Variants in CYFIP1 observed in about 807,000 individuals in gnomAD.
The protein encoded by CYFIP1 is cytoplasmic FMR1-interacting protein 1.
CYFIP1 carries 58 observed loss-of-function variants against 163.5 expected under a neutral mutation model. That is an observed-to-expected ratio of 0.35 (90% CI 0.29 to 0.44). CYFIP1 has a LOEUF of 0.44. CYFIP1 is among the 20% of genes least tolerant of loss of function. CYFIP1 has a pLI of 1.00. For missense variants in CYFIP1, 1,338 were observed against 1,653.8 expected (o/e 0.81, Z 3.31); for synonymous variants, 663 against 660.7 (o/e 1.00, Z -0.05).
intron 13 of CYFIP1, among the ~76,000 whole-genome samples, chr15:22,925,093 G>A (rs924020662): frequency 6.6e-6 from 1 of 152,098 alleles, no homozygotes; most frequent in African/African-American, 2.4e-5. Flanking sequence ...ACCCAAGGTT[G>A]GTTCATGGAG....
chr15:22,891,611 C>A (rs1018484036), intron 23 of CYFIP1, among the ~76,000 whole-genome samples: 1 of 152,230 alleles, frequency 6.6e-6, no homozygotes, highest in Non-Finnish European at 1.5e-5. Flanking sequence ...GCCCCCGGCC[C>A]ACACTCGCTC....
At chr15:22,943,791 A>C (rs1379676885) in intron 5 of CYFIP1, among the ~76,000 whole-genome samples, 1 of 152,194 alleles carries the variant, frequency 6.6e-6, no homozygotes, top group East Asian at 1.9e-4. Flanking sequence ...ATCATAAAAA[A>C]TCTGGATGTT....
rs778995928 is a variant in CYFIP1, at chr15:22,867,313, G to C, written c.*2715C>G. 2.5e-6 allele frequency: 1 copy of C among 397,938 alleles called. No homozygotes were observed. The highest frequency in any genetic ancestry group is 4.4e-6 in the Non-Finnish European group (1 of 225,810). The allele number at this position is 397,938 out of a possible 1,614,324, so 24.7% of individuals were successfully genotyped here. ...CAAAAGTGGCTCCTGTTTGTTTGATGATGATTGGTTTTATTTTTGAAATAT... is the reference window on the plus strand; with the variant it reads ...CAAAAGTGGCTCCTGTTTGTTTGATCATGATTGGTTTTATTTTTGAAATAT... On this transcript the variant is annotated 3_prime_UTR_variant, in exon 31 of 31. Coordinates refer to ENST00000617928, the MANE Select transcript of CYFIP1 (RefSeq NM_014608.6).
intron 22 of CYFIP1, among the ~76,000 whole-genome samples, chr15:22,893,206 T>C (rs6606814): frequency 0.82 from 124,027 of 152,140 alleles, 50,683 homozygotes; most frequent in East Asian, 0.91. Context: ...ACACCCGGGG[T>C]CTGGTCTGCT....
chr15:22,916,978 T>G, intron 15 of CYFIP1: 1 of 1,551,604 alleles, frequency 6.4e-7, no homozygotes, highest in Non-Finnish European at 8.7e-7. Context: ...TTGAGCTGCC[T>G]GAGCAGCTCG....
chr15:22,915,414 CTG>C lies in CYFIP1; in HGVS notation c.1829-534_1829-533del, dbSNP rs1295832477. ...TGTTAGGATTAACAGGTATGAGCCA[CTG>C]TGTCTTACCTAAAAATGTTCTTCTC... On this transcript the variant is annotated intron_variant, in intron 16 of 30. Coordinates refer to ENST00000617928, the MANE Select transcript of CYFIP1 (RefSeq NM_014608.6). 2.0e-5 allele frequency among the ~76,000 whole-genome samples: 3 copies of C among 152,192 alleles called. No individual in the cohort carries two copies. In the East Asian group the frequency reaches 5.8e-4, roughly 29 times the overall value.
intron 22 of CYFIP1, among the ~76,000 whole-genome samples, chr15:22,899,327 T>C (rs952526707): frequency 6.6e-6 from 1 of 152,186 alleles, no homozygotes; most frequent in Non-Finnish European, 1.5e-5. Flanking sequence ...ATAGTTTTAA[T>C]ACGTAGGTAA....
chr15:22,903,508 T>C (rs143997262), intron 22 of CYFIP1, among the ~76,000 whole-genome samples, 198 bp downstream of exon 22: 1 of 152,268 alleles, frequency 6.6e-6, no homozygotes, highest in Non-Finnish European at 1.5e-5. Context: ...TGCAAAGCCA[T>C]GACCATCCAC....
In CYFIP1 at chr15:22,869,630, A is replaced by G. The variant is rs2059364184; in HGVS notation, c.*398T>C. On this transcript the variant is annotated 3_prime_UTR_variant, in exon 31 of 31. Coordinates refer to ENST00000617928, the MANE Select transcript of CYFIP1 (RefSeq NM_014608.6). Reference sequence around the variant, plus strand: ...GAACTAAGATTGCTCATAAAAGACCATCAGAAAGATCCCTAAACAAAAGCT... The same window carrying G: ...GAACTAAGATTGCTCATAAAAGACCGTCAGAAAGATCCCTAAACAAAAGCT... The G allele has an allele frequency of 6.4e-6, 1 of 155,792 alleles. No individual in the cohort carries two copies. The highest frequency in any genetic ancestry group is 2.4e-5 in the African/African-American group (1 of 41,578). The allele number at this position is 155,792 out of a possible 1,614,324, so 9.7% of individuals were successfully genotyped here. A position where few individuals can be genotyped will look rare whatever the true frequency, so the allele number is the denominator to read the frequency against.
intron 6 of CYFIP1, among the ~76,000 whole-genome samples, chr15:22,942,466 T>C (rs79600363): frequency 0.48 from 72,584 of 151,642 alleles, 17,596 homozygotes; most frequent in Middle Eastern, 0.58. Context: ...GTCGGCAGCG[T>C]GCCAAGTGTC....
intron 22 of CYFIP1, among the ~76,000 whole-genome samples, chr15:22,894,304 T>C (rs1027590715): frequency 6.0e-4 from 67 of 111,206 alleles, no homozygotes; most frequent in African/African-American, 1.5e-3. Flanking sequence ...TTTTTTTTTT[T>C]CTGAGATGGA....
intron 1 of CYFIP1, among the ~76,000 whole-genome samples, chr15:22,958,890 A>G (rs1335867556): frequency 6.6e-6 from 1 of 152,230 alleles, no homozygotes; most frequent in East Asian, 1.9e-4. Flanking sequence ...GGATGCTAAA[A>G]TAATTAATAA....
intron 21 of CYFIP1, chr15:22,904,377 G>A: frequency 4.3e-6 from 1 of 230,130 alleles, no homozygotes; most frequent in Non-Finnish European, 8.7e-6. Flanking sequence ...GCCCTCACGT[G>A]CGCTGCTCTG....
intron 14 of CYFIP1, 80 bp from the exon 15 acceptor site, chr15:22,918,015 C>A: frequency 6.7e-7 from 1 of 1,494,786 alleles, no homozygotes; most frequent in East Asian, 2.3e-5. Context: ...CCTCACCCAA[C>A]TACAAGGCTC....
rs1468767544 is a variant in CYFIP1 at position 22,910,759 on chromosome 15, AGG to A, written c.2135_2136del (p.Ala712ValfsTer3). ...FVYKLADQIF[A>X]YYKVMAGSLL... ...CACCTTCCTGCCATAACCTTATAAT[AGG>A]CAAATATCTGGTCTGCTAGCTTGTA... is the stretch of plus-strand genomic sequence containing the variant. On this transcript the variant is annotated frameshift_variant, in exon 19 of 31. Coordinates refer to ENST00000617928, the MANE Select transcript of CYFIP1 (RefSeq NM_014608.6). LOFTEE classifies it high-confidence loss of function. 6.2e-7 allele frequency: 1 copy of A among 1,613,932 alleles called. No individual in the cohort carries two copies. Among genetic ancestry groups the A allele is most frequent in the Non-Finnish European group, 8.5e-7 (1 of 1,179,772 alleles).
chr15:22,944,413 G>A, intron 5 of CYFIP1, 145 bp downstream of exon 5: 1 of 622,604 alleles, frequency 1.6e-6, no homozygotes, highest in Non-Finnish European at 2.8e-6. Context: ...GACTGTCAAA[G>A]GCTTGGTCCC....
chr15:22,902,325 G>A (rs1295508272), intron 22 of CYFIP1, among the ~76,000 whole-genome samples: 8 of 152,202 alleles, frequency 5.3e-5, no homozygotes, highest in Non-Finnish European at 8.8e-5. Flanking sequence ...GGGGTGTGGG[G>A]AAGGAGGCGC....
chr15:22,923,942 C>CAAAAAAAAA (rs916058496), intron 13 of CYFIP1, among the ~76,000 whole-genome samples: 9 of 61,796 alleles, frequency 1.5e-4, no homozygotes, highest in Admixed American at 2.5e-4. Context: ...ACCTTGTCTC[C>CAAAAAAAAA]AAAAAAAAAA....
chr15:22,919,486 C>A (rs573894305), intron 13 of CYFIP1, among the ~76,000 whole-genome samples: 1 of 152,222 alleles, frequency 6.6e-6, no homozygotes, highest in East Asian at 1.9e-4. Context: ...ACGGCTTTTG[C>A]CGTTTATAAA....
Sources: gnomAD v4.1 joint callset for allele counts (sites outside exome capture counted in the v4.1 genomes callset) on GRCh38, gnomAD v4.1.1 for gene constraint, MANE v1.5 for transcripts, NCBI Gene and HGNC (gene_info 2026-07-23, HGNC 2026-07-21) for gene names.